The following BANK1 variants were observed in gnomAD, a reference collection of about 807,000 sequenced individuals.
The protein encoded by BANK1 is B-cell scaffold protein with ankyrin repeats.
A neutral mutation model predicts 94.5 loss-of-function variants in BANK1; 95 were observed. The observed-to-expected ratio is 1.00, with a 90% CI of 0.85 to 1.19. The LOEUF (loss-of-function observed/expected upper bound fraction) is 1.19. BANK1 is among the 50% of genes most tolerant of loss of function. The probability of loss-of-function intolerance (pLI) is 0.00; values close to 1 mark genes in which losing one functional copy is unlikely to be tolerated. For synonymous variants in BANK1, 334 were observed against 308.4 expected (o/e 1.08, Z -0.87); for missense variants, 987 against 932.2 (o/e 1.06, Z -0.77).
At chr4:101,794,396 T>C (rs950061693) in intron 1 of BANK1, among the ~76,000 whole-genome samples, 10 of 152,220 alleles carry the variant, frequency 6.6e-5, no homozygotes, top group Admixed American at 1.3e-4. Context: ...ATAAATGACA[T>C]GTTTTAAGAG....
chr4:101,860,248 C>G (rs922708137), intron 3 of BANK1, among the ~76,000 whole-genome samples: 1 of 152,076 alleles, frequency 6.6e-6, no homozygotes, highest in Non-Finnish European at 1.5e-5. Context: ...GAATATTAAA[C>G]CAAATACAGG....
chr4:101,940,133 C>T (rs1358748906), intron 7 of BANK1, among the ~76,000 whole-genome samples: 1 of 151,408 alleles, frequency 6.6e-6, no homozygotes, highest in Non-Finnish European at 1.5e-5. Flanking sequence ...CTCCCTTGGA[C>T]ATGATTATGA....
intron 8 of BANK1, among the ~76,000 whole-genome samples, chr4:102,023,592 C>T (rs1286489588): frequency 6.6e-6 from 1 of 152,150 alleles, no homozygotes; most frequent in Non-Finnish European, 1.5e-5. Context: ...AGAACCCTAG[C>T]TCAGTGGATT....
chr4:101,985,454 C>T (rs1366513828), intron 7 of BANK1, among the ~76,000 whole-genome samples: 1 of 152,046 alleles, frequency 6.6e-6, no homozygotes, highest in Non-Finnish European at 1.5e-5. Flanking sequence ...ATCACTAAAT[C>T]TGGTTTTTTT....
intron 10 of BANK1, among the ~76,000 whole-genome samples, chr4:102,042,747 A>T (rs1578475131): frequency 6.6e-6 from 1 of 152,050 alleles, no homozygotes; most frequent in East Asian, 1.9e-4. Flanking sequence ...ATCCCAGGAA[A>T]TTCTGTCGAA....
At chr4:101,977,818 C>T (rs1364317269) in intron 7 of BANK1, among the ~76,000 whole-genome samples, 1 of 152,054 alleles carries the variant, frequency 6.6e-6, no homozygotes, top group African/African-American at 2.4e-5. Flanking sequence ...ACAAGAATTG[C>T]TATTTTAAAA....
intron 1 of BANK1, among the ~76,000 whole-genome samples, chr4:101,824,948 T>C (rs1008675586): frequency 2.0e-5 from 3 of 152,186 alleles, no homozygotes; most frequent in Non-Finnish European, 4.4e-5. Flanking sequence ...AAATTATTGA[T>C]AAATATTTCT....
intron 1 of BANK1, among the ~76,000 whole-genome samples, chr4:101,825,515 A>G (rs536003901): frequency 4.6e-5 from 7 of 152,250 alleles, no homozygotes; most frequent in African/African-American, 1.7e-4. Context: ...GAAAAGAAAG[A>G]AAGTCAGCAT....
chr4:101,872,856 T>C (rs1728345523), intron 5 of BANK1, among the ~76,000 whole-genome samples: 1 of 151,996 alleles, frequency 6.6e-6, no homozygotes, highest in African/African-American at 2.4e-5. Flanking sequence ...AGCATGGTGA[T>C]GTATGCCTGT....
At chr4:101,840,420 C>T (rs928171790) in intron 2 of BANK1, among the ~76,000 whole-genome samples, 10 of 152,262 alleles carry the variant, frequency 6.6e-5, no homozygotes, top group Admixed American at 3.3e-4. Flanking sequence ...CCAAAACTGG[C>T]CATAAACAAA....
chr4:101,958,782 A>G (rs1203101966), intron 7 of BANK1, among the ~76,000 whole-genome samples: 1 of 152,198 alleles, frequency 6.6e-6, no homozygotes, highest in Non-Finnish European at 1.5e-5. Context: ...AGAGTTCTTG[A>G]TGCAGCAAGT....
intron 7 of BANK1, among the ~76,000 whole-genome samples, chr4:101,981,605 GCA>G (rs1560664695): frequency 6.6e-6 from 1 of 151,860 alleles, no homozygotes; most frequent in Admixed American, 6.6e-5. Flanking sequence ...ATATGCCTTG[GCA>G]CATTTTAGTA....
At chr4:101,938,121 G>C (rs925386924) in intron 7 of BANK1, among the ~76,000 whole-genome samples, 1 of 151,758 alleles carries the variant, frequency 6.6e-6, no homozygotes, top group African/African-American at 2.4e-5. Context: ...TTAGCATTAG[G>C]AGGAATACCT....
At chr4:102,073,639 G>T in intron 15 of BANK1, 45 bp from the exon 16 acceptor site, 1 of 1,547,854 alleles carries the variant, frequency 6.5e-7, no homozygotes, top group South Asian at 1.2e-5. Context: ...CTTAAAATAG[G>T]GACAAATCGA....
chr4:101,903,833 C>T (rs1722359088), intron 6 of BANK1, among the ~76,000 whole-genome samples: 2 of 152,204 alleles, frequency 1.3e-5, no homozygotes, highest in Admixed American at 1.3e-4. Flanking sequence ...TACTAAGGTC[C>T]CCAAGTAGGA....
At chr4:101,853,650 G>A (rs61392765) in intron 2 of BANK1, among the ~76,000 whole-genome samples, 2,101 of 152,212 alleles carry the variant, frequency 0.014, 51 homozygotes, top group South Asian at 0.1. Context: ...CAAGAAGCAG[G>A]CGTAATTTTA....
At chr4:101,931,137 T>C (rs570026246) in intron 7 of BANK1, among the ~76,000 whole-genome samples, 5 of 151,586 alleles carry the variant, frequency 3.3e-5, no homozygotes, top group African/African-American at 1.2e-4. Flanking sequence ...CACAGTTTTA[T>C]TGACTCTCAA....
chr4:101,865,243 C>A (rs1005911950), intron 4 of BANK1, among the ~76,000 whole-genome samples: 4 of 152,092 alleles, frequency 2.6e-5, no homozygotes, highest in African/African-American at 9.7e-5. Context: ...CATTTGAAAT[C>A]TGCTTACCTA....
chr4:101,821,763 T>C (rs996301032), intron 1 of BANK1, among the ~76,000 whole-genome samples: 3 of 152,014 alleles, frequency 2.0e-5, no homozygotes, highest in African/African-American at 7.3e-5. Context: ...GAAAGGAAGA[T>C]GGTTATTGGA....
Sources: gnomAD v4.1 joint callset for allele counts (sites outside exome capture counted in the v4.1 genomes callset) on GRCh38, gnomAD v4.1.1 for gene constraint, MANE v1.5 for transcripts, NCBI Gene and HGNC (gene_info 2026-07-23, HGNC 2026-07-21) for gene names.